NLRP5: variants seen among roughly 807,000 people sequenced by gnomAD.
NLRP5 encodes NLR family pyrin domain containing 5.
A neutral mutation model predicts 113.1 loss-of-function variants in NLRP5; 93 were observed. The ratio of observed to expected loss-of-function variants is 0.82; its 90% CI spans 0.70 to 0.98. The LOEUF (loss-of-function observed/expected upper bound fraction) is 0.98. NLRP5 is among the 50% of genes least tolerant of loss of function. NLRP5 has a pLI of 0.00. For synonymous variants in NLRP5, 751 were observed against 600.7 expected, an observed-to-expected ratio of 1.25 and a Z score of -3.66; for missense variants, 1,808 against 1,514.3, an observed-to-expected ratio of 1.19 and a Z score of -3.22.
the NLRP5 span, among the ~76,000 whole-genome samples, chr19:55,994,542 C>T: frequency 6.6e-6 from 1 of 152,134 alleles, no homozygotes; most frequent in African/African-American, 2.4e-5. Context: ...GGATTTCAGG[C>T]ACGTGCCACC....
rs1982955953 is a variant in NLRP5, at chr19:56,028,244, C to G, written c.2011C>G (p.Leu671Val). ...GCAGAAGCTTCTGCACTGGGTCTCTCTGTTGGGTCAGCAGCCTAATGCCAC... is the reference window on the plus strand; with the variant it reads ...GCAGAAGCTTCTGCACTGGGTCTCTGTGTTGGGTCAGCAGCCTAATGCCAC... The change falls in exon 7 of 15, where the codon CTG (leucine) becomes GTG (valine). Residue 671 changes from leucine (L) to valine (V), a missense_variant. Physicochemically the swap from Leu to Val is conservative, Grantham distance 32. Coordinates refer to ENST00000390649, the MANE Select transcript of NLRP5 (RefSeq NM_153447.4). The G allele has an allele frequency of 6.2e-7, 1 of 1,613,794 alleles. No individual in the cohort carries two copies. Among genetic ancestry groups the G allele is most frequent in the African/African-American group, 1.3e-5 (1 of 74,926 alleles).
chr19:55,997,420 T>G (rs946821165), upstream of NLRP5, among the ~76,000 whole-genome samples: 1 of 152,208 alleles, frequency 6.6e-6, no homozygotes, highest in Admixed American at 6.5e-5. Context: ...GTTTTCTTTT[T>G]TGTGTGTCCT....
At chr19:55,999,202 TTTTC>T (rs1981508602), upstream of NLRP5, among the ~76,000 whole-genome samples, 1 of 134,910 alleles carries the variant, frequency 7.4e-6, no homozygotes, top group East Asian at 2.2e-4. Context: ...AAATCTTTTT[TTTTC>T]TTTTTCTTTT....
chr19:56,058,263 C>A lies in NLRP5; in HGVS notation c.3323C>A (p.Ser1108Tyr). The A allele has an allele frequency of 1.2e-6, 2 of 1,613,634 alleles. No homozygotes were observed. The highest frequency in any genetic ancestry group is 1.7e-6 in the Non-Finnish European group (2 of 1,179,746). ...AGGTTGAAGGCATGTGGACTGACTT[C>A]TGATTGCTGTGAGGCACTCTCCTTG... is the stretch of plus-strand genomic sequence containing the variant. The change falls in exon 14 of 15, where the codon TCT (serine) becomes TAT (tyrosine). Residue 1108 changes from serine (S) to tyrosine (Y), a missense_variant. Physicochemically the swap from Ser to Tyr is moderately radical, Grantham distance 144. Transcript: ENST00000390649.
chr19:56,056,802 G>T (rs1984170874), intron 13 of NLRP5, among the ~76,000 whole-genome samples: 1 of 152,034 alleles, frequency 6.6e-6, no homozygotes, highest in African/African-American at 2.4e-5. Flanking sequence ...CGCCATAGGT[G>T]GCTAAAACAA....
Position 56,027,805 on chromosome 19 carries a change from AAG to A in NLRP5, c.1575_1576del (p.Arg525SerfsTer17), listed in dbSNP as rs1411539218. ...TCCGGCGCTGTCTCAATCTGGAGGA[AAG>A]AGTTGTCCTGAAGCGCTTCTGCCGT... On this transcript the variant is annotated frameshift_variant, in exon 7 of 15. Coordinates refer to ENST00000390649, the MANE Select transcript of NLRP5 (RefSeq NM_153447.4). LOFTEE classifies it high-confidence loss of function. The A allele has an allele frequency of 6.2e-7, 1 of 1,613,876 alleles. No individual in the cohort carries two copies. Among genetic ancestry groups the A allele is most frequent in the East Asian group, 2.2e-5 (1 of 44,888 alleles).
In NLRP5 at chr19:56,026,936, T is replaced by A; in HGVS notation, c.703T>A (p.Tyr235Asn). 2 of 1,551,652 alleles carry A rather than the reference T, an allele frequency of 1.3e-6. No homozygotes were observed. Among genetic ancestry groups the A allele is most frequent in the Non-Finnish European group, 1.7e-6 (2 of 1,146,968 alleles). The change falls in exon 7 of 15, where the codon TAC becomes AAC. Residue 235 changes from tyrosine to asparagine, a missense_variant. By Grantham distance (143) the Tyr-to-Asn change is moderately radical. Coordinates refer to ENST00000390649, the MANE Select transcript of NLRP5 (RefSeq NM_153447.4). ...AGGACATGGAGGTGACACATGGGAC[T>A]ACAAGAGTCACGTGATGACCAAATT...
chr19:56,036,209 G>A (rs574607401), intron 9 of NLRP5, among the ~76,000 whole-genome samples: 174 of 151,446 alleles, frequency 1.1e-3, no homozygotes, highest in Middle Eastern at 3.4e-3. Flanking sequence ...GACTACAGGC[G>A]CCCGCCACCA....
intron 7 of NLRP5, 22 bp from the exon 8 acceptor site, chr19:56,032,589 G>A (rs1983160951): frequency 6.2e-7 from 1 of 1,602,710 alleles, no homozygotes; most frequent in Non-Finnish European, 8.5e-7. Flanking sequence ...ATGAGCCCAT[G>A]TTTCTATCCC....
Position 56,028,148 on chromosome 19 carries a change from G to A in NLRP5, c.1915G>A (p.Gly639Ser). 1 of 1,613,978 alleles carries A rather than the reference G, an allele frequency of 6.2e-7. No homozygotes were observed. The highest frequency in any genetic ancestry group is 8.5e-7 in the Non-Finnish European group (1 of 1,179,892). Residue 639 changes from glycine to serine, a missense_variant, in exon 7 of 15, where the codon GGC becomes AGC. Coordinates refer to ENST00000390649, the MANE Select transcript of NLRP5 (RefSeq NM_153447.4). Reference sequence around the variant, plus strand: ...GCTTTGGATGAAGCGTTTCTTGTTTGGCCTCGTGAGCGAAGACGTAAGGAG... The same window carrying A: ...GCTTTGGATGAAGCGTTTCTTGTTTAGCCTCGTGAGCGAAGACGTAAGGAG...
chr19:56,003,622 C>A, intron 1 of NLRP5, 114 bp from the exon 2 acceptor site: 1 of 1,251,760 alleles, frequency 8.0e-7, no homozygotes, highest in Non-Finnish European at 1.1e-6. Context: ...ATGCTTCGTC[C>A]ATGAAGAATT....
At chr19:55,998,717 T>TATATATATATATGTGTAC (rs1981466140), upstream of NLRP5, among the ~76,000 whole-genome samples, 2 of 129,320 alleles carry the variant, frequency 1.5e-5, no homozygotes, top group South Asian at 3.0e-4. Flanking sequence ...TGTGTGTGTA[T>TATATATATATATGTGTAC]ATATATATAT....
intron 1 of NLRP5, among the ~76,000 whole-genome samples, chr19:56,000,923 T>C (rs961443388): frequency 2.6e-5 from 4 of 151,670 alleles, no homozygotes; most frequent in Non-Finnish European, 2.9e-5. Flanking sequence ...GGAGAATCGA[T>C]TGAACCCAGG....
At chr19:56,056,236 C>T (rs1194907089) in intron 13 of NLRP5, among the ~76,000 whole-genome samples, 1 of 152,120 alleles carries the variant, frequency 6.6e-6, no homozygotes, top group Non-Finnish European at 1.5e-5. Flanking sequence ...CTATGATCTG[C>T]ACCAGTACAC....
At chr19:56,059,820 C>T (rs1356369501) in intron 14 of NLRP5, among the ~76,000 whole-genome samples, 2 of 152,192 alleles carry the variant, frequency 1.3e-5, no homozygotes, top group South Asian at 2.1e-4. Context: ...CCACCACGCC[C>T]GACTTCCTTG....
At chr19:56,050,169 A>C (rs1173882993) in intron 11 of NLRP5, among the ~76,000 whole-genome samples, 1 of 151,666 alleles carries the variant, frequency 6.6e-6, no homozygotes, top group East Asian at 1.9e-4. Flanking sequence ...AATCCCAGCT[A>C]CTCAGAAGGC....
chr19:56,057,472 C>T (rs1402321142), intron 13 of NLRP5, among the ~76,000 whole-genome samples: 1 of 152,178 alleles, frequency 6.6e-6, no homozygotes, highest in Non-Finnish European at 1.5e-5. Flanking sequence ...CTTTGTTTCT[C>T]AAATGTGTCT....
chr19:56,007,889 G>GTGTGTGTGCA (rs748749686), intron 2 of NLRP5, among the ~76,000 whole-genome samples: 8 of 86,278 alleles, frequency 9.3e-5, no homozygotes, highest in East Asian at 3.7e-4. Context: ...GTGTGTGTGT[G>GTGTGTGTGCA]CGCGTGCGCG....
chr19:56,027,049 A>C lies in NLRP5; in HGVS notation c.816A>C (p.Ser272=), dbSNP rs147869537. The stretch of plus-strand genomic sequence containing the variant: ...AAACGTTGGCTGGTGCTTTTGATTC[A>C]GACCGGTGGGGCTTCCGGCCTCGCA... Residue 272 remains serine, a synonymous_variant, in exon 7 of 15, where the codon TCA becomes TCC. Coordinates refer to ENST00000390649, the MANE Select transcript of NLRP5 (RefSeq NM_153447.4). 349 of 1,553,906 alleles carry C rather than the reference A, an allele frequency of 2.2e-4. 1 individual carries two copies. The East Asian group carries it at 6.9e-3, about 31-fold the overall frequency.
Sources: allele counts gnomAD v4.1 joint callset (sites outside exome capture counted in the v4.1 genomes callset), GRCh38; gene constraint gnomAD v4.1.1; transcripts MANE v1.5; gene names NCBI Gene and HGNC (gene_info 2026-07-23, HGNC 2026-07-21).